The following NALF1 variants were observed in gnomAD, a reference collection of about 807,000 sequenced individuals.
NALF1 encodes the protein family with sequence similarity 155 member A.
In NALF1, 3 loss-of-function variants were observed where a neutral mutation model predicts 48.4. The observed-to-expected ratio is 0.06, with a 90% CI of 0.03 to 0.16. The LOEUF (loss-of-function observed/expected upper bound fraction) is 0.16. NALF1 is among the 10% of genes least tolerant of loss of function. The pLI is 1.00. For synonymous variants in NALF1, 262 were observed against 245.7 expected (o/e 1.07, Z -0.62); for missense variants, 526 against 571.5 (o/e 0.92, Z 0.81).
intron 1 of NALF1, among the ~76,000 whole-genome samples, chr13:107,276,934 A>C (rs1424157503): frequency 1.3e-5 from 2 of 152,162 alleles, no homozygotes; most frequent in Non-Finnish European, 2.9e-5. Context: ...ATTTTCATTA[A>C]AAACAAAAAA....
In NALF1 at chr13:107,168,165, C is replaced by G. The variant is rs1204277805; in HGVS notation, c.*2332G>C. On this transcript the variant is annotated 3_prime_UTR_variant, in exon 3 of 3. Transcript: ENST00000375915. ...CAGCAGAGGTAGATAAAGGTCAGAA[C>G]AGACTCCTTCCTAGCCATTCCCTTA... The G allele has an allele frequency of 6.6e-6, 1 of 152,242 alleles. No homozygotes were observed. The highest frequency in any genetic ancestry group is 1.5e-5 in the Non-Finnish European group (1 of 68,050). The allele number at this position is 152,242 out of a possible 1,614,324, so 9.4% of individuals were successfully genotyped here.
intron 1 of NALF1, among the ~76,000 whole-genome samples, chr13:107,394,834 TAG>T (rs1217118667): frequency 6.6e-6 from 1 of 151,742 alleles, no homozygotes; most frequent in Non-Finnish European, 1.5e-5. Flanking sequence ...GAAGGAACAA[TAG>T]GAGAAAAAAC....
intron 1 of NALF1, among the ~76,000 whole-genome samples, chr13:107,733,982 G>T (rs1442255861): frequency 6.6e-6 from 1 of 152,112 alleles, no homozygotes; most frequent in East Asian, 1.9e-4. Flanking sequence ...GGTATAGCCT[G>T]TTGCAAACCT....
intron 1 of NALF1, among the ~76,000 whole-genome samples, chr13:107,271,571 C>CAGGCTGTGCT (rs1594098762): frequency 6.7e-6 from 1 of 149,958 alleles, no homozygotes; most frequent in Non-Finnish European, 1.5e-5. Context: ...GAGAACTCAG[C>CAGGCTGTGCT]CAGGCTGTGC....
chr13:107,419,523 G>T (rs1260489942), intron 1 of NALF1, among the ~76,000 whole-genome samples: 1 of 152,180 alleles, frequency 6.6e-6, no homozygotes, highest in Non-Finnish European at 1.5e-5. Flanking sequence ...CTGAAGAGGT[G>T]AAAGTCTAGA....
At chr13:107,545,633 C>A (rs1029967163) in intron 1 of NALF1, among the ~76,000 whole-genome samples, 27 of 151,970 alleles carry the variant, frequency 1.8e-4, no homozygotes, top group African/African-American at 6.5e-4. Flanking sequence ...AGTGTCATTT[C>A]CAAGCAGGAA....
intron 1 of NALF1, among the ~76,000 whole-genome samples, chr13:107,733,796 C>T (rs1213322557): frequency 6.6e-6 from 1 of 152,072 alleles, no homozygotes; most frequent in Non-Finnish European, 1.5e-5. Flanking sequence ...GTTGCTAGGA[C>T]ACAACTTATA....
At chr13:107,479,985 G>A (rs1026178040) in intron 1 of NALF1, among the ~76,000 whole-genome samples, 1 of 152,012 alleles carries the variant, frequency 6.6e-6, no homozygotes, top group Non-Finnish European at 1.5e-5. Flanking sequence ...ACACTACGAA[G>A]ATGGGTCATT....
At position 107,555,555 on chromosome 13, in the gene NALF1, A is replaced by G. The variant is rs1013463655; in HGVS notation, c.915+310127T>C. ...GGTGATCTGCCTGCCTCGGCCTCCC[A>G]AAGTGATGAGATTATAGGCGTGAGC... On this transcript the variant is annotated intron_variant, in intron 1 of 2. Coordinates refer to ENST00000375915, the MANE Select transcript of NALF1 (RefSeq NM_001080396.3). Among the ~76,000 whole-genome samples, 112 of 147,408 alleles carry G rather than the reference A, an allele frequency of 7.6e-4. 1 individual carries two copies. The highest frequency in any genetic ancestry group is 3.6e-3 in the Middle Eastern group (1 of 280).
At chr13:107,593,963 C>T (rs954598614) in intron 1 of NALF1, among the ~76,000 whole-genome samples, 92 of 151,924 alleles carry the variant, frequency 6.1e-4, no homozygotes, top group African/African-American at 1.2e-3. Flanking sequence ...TGTAGAATAC[C>T]GAGCTTTAGG....
At chr13:107,857,691 AT>A (rs1880471930) in intron 1 of NALF1, among the ~76,000 whole-genome samples, 1 of 152,230 alleles carries the variant, frequency 6.6e-6, no homozygotes, top group Non-Finnish European at 1.5e-5. Flanking sequence ...CAGTTGTTCA[AT>A]AATTGAATCA....
intron 1 of NALF1, among the ~76,000 whole-genome samples, chr13:107,282,826 C>T (rs576075064): frequency 5.3e-5 from 8 of 152,180 alleles, no homozygotes; most frequent in African/African-American, 1.9e-4. Context: ...TAGAAGCCAG[C>T]TAATCTACTT....
At chr13:107,302,842 ACT>A (rs1352037611) in intron 1 of NALF1, among the ~76,000 whole-genome samples, 4 of 151,964 alleles carry the variant, frequency 2.6e-5, no homozygotes, top group African/African-American at 9.7e-5. Flanking sequence ...TCTCTCTCTC[ACT>A]CTCTCACACA....
intron 1 of NALF1, among the ~76,000 whole-genome samples, chr13:107,248,756 G>A (rs1421365238): frequency 6.6e-6 from 1 of 151,284 alleles, no homozygotes; most frequent in Non-Finnish European, 1.5e-5. Flanking sequence ...GTATTTTCTA[G>A]AATTTAATGG....
chr13:107,421,037 G>T (rs1884176862), intron 1 of NALF1, among the ~76,000 whole-genome samples: 2 of 152,018 alleles, frequency 1.3e-5, no homozygotes, highest in South Asian at 4.1e-4. Flanking sequence ...AGTTTTGGTT[G>T]GTTTTAACTC....
intron 1 of NALF1, among the ~76,000 whole-genome samples, chr13:107,757,529 ATAGACAGTAAG>A (rs1877142752): frequency 6.6e-6 from 1 of 150,752 alleles, no homozygotes; most frequent in Non-Finnish European, 1.5e-5. Flanking sequence ...AAACAGTTTG[ATAGACAGTAAG>A]GAGCCATGGT....
intron 1 of NALF1, among the ~76,000 whole-genome samples, chr13:107,803,790 GAATT>G (rs1878691178): frequency 1.3e-5 from 2 of 152,106 alleles, no homozygotes; most frequent in Non-Finnish European, 2.9e-5. Flanking sequence ...AATTGCATCT[GAATT>G]AATTAATTTA....
intron 1 of NALF1, among the ~76,000 whole-genome samples, chr13:107,308,368 A>AT (rs1373677562): frequency 1.3e-5 from 2 of 151,540 alleles, no homozygotes; most frequent in Admixed American, 6.6e-5. Context: ...CGCCCGGCTA[A>AT]TTTTTTTGTA....
intron 1 of NALF1, among the ~76,000 whole-genome samples, chr13:107,729,779 C>T (rs1422752202): frequency 6.6e-6 from 1 of 152,122 alleles, no homozygotes; most frequent in Non-Finnish European, 1.5e-5. Flanking sequence ...GCACCCGACC[C>T]TTTGATGCAT....
Sources: gnomAD v4.1 joint callset for allele counts (sites outside exome capture counted in the v4.1 genomes callset) on GRCh38, gnomAD v4.1.1 for gene constraint, MANE v1.5 for transcripts, NCBI Gene and HGNC (gene_info 2026-07-23, HGNC 2026-07-21) for gene names.